The following TTI1 variants were observed in gnomAD, a reference collection of about 807,000 sequenced individuals.
TTI1 encodes TELO2-interacting protein 1 homolog.
A neutral mutation model predicts 85.4 loss-of-function variants in TTI1; 52 were observed. The ratio of observed to expected loss-of-function variants is 0.61; its 90% CI spans 0.49 to 0.77. The LOEUF (loss-of-function observed/expected upper bound fraction) is 0.77. Ranked by LOEUF, TTI1 falls within the 30% of genes least tolerant of loss-of-function variation. The pLI is 0.00. For missense variants in TTI1, 1,173 were observed against 1,296.0 expected (o/e 0.91, Z 1.46); for synonymous variants, 512 against 503.9 (o/e 1.02, Z -0.22).
At chr20:37,996,512 G>A (rs776830355) in intron 6 of TTI1, 50 bp from the exon 7 acceptor site, 2 of 1,594,692 alleles carry the variant, frequency 1.3e-6, no homozygotes, top group Admixed American at 3.3e-5. Flanking sequence ...CTTCATTTGG[G>A]ACAAGCAGTG....
chr20:38,017,411 T>TGTGTGTGC (rs1156916150), intron 1 of TTI1, among the ~76,000 whole-genome samples: 2 of 150,266 alleles, frequency 1.3e-5, no homozygotes, highest in Non-Finnish European at 3.0e-5. Flanking sequence ...AGCTTGTGTG[T>TGTGTGTGC]GTGTGTGTGT....
rs1478224681 is a variant in TTI1, at chr20:37,996,931, T to C, written c.2816A>G (p.Lys939Arg). The C allele has an allele frequency of 2.5e-6, 4 of 1,613,806 alleles. No individual in the cohort carries two copies. In the East Asian group the frequency reaches 8.9e-5, roughly 36 times the overall value. The change falls in exon 6 of 8, where the codon AAG becomes AGG. Residue 939 changes from lysine (K) to arginine (R), a missense_variant. By Grantham distance (26) the Lys-to-Arg change is conservative. Coordinates refer to ENST00000373447, the MANE Select transcript of TTI1 (RefSeq NM_001303457.2). ...AFKVLRTLGSKCGDFLRSRFC... is the reference protein window; with the variant it reads ...AFKVLRTLGSRCGDFLRSRFC... ...CCGGCTGCGAAGAAAGTCACCACAC[T>C]TGCTTCCCAGGGTACGTAAAACCTG...
In TTI1 at chr20:37,996,335, G is replaced by T. The variant is rs1239587804; in HGVS notation, c.3086+40C>A. 4 of 1,606,204 alleles carry T rather than the reference G, an allele frequency of 2.5e-6. No homozygotes were observed. In the African/African-American group the frequency reaches 4.0e-5, roughly 16 times the overall value. On this transcript the variant is annotated intron_variant, in intron 7 of 7. Coordinates refer to ENST00000373447, the MANE Select transcript of TTI1 (RefSeq NM_001303457.2). Reference sequence around the variant, plus strand: ...CCATTAGCAAATCATCTGTAATTTAGAACAAACGTAAAGGGATGCGGGTGA... The same window carrying T: ...CCATTAGCAAATCATCTGTAATTTATAACAAACGTAAAGGGATGCGGGTGA...
At chr20:38,014,000 C>T in intron 1 of TTI1, 143 bp from the exon 2 acceptor site, 1 of 759,744 alleles carries the variant, frequency 1.3e-6, no homozygotes, top group Non-Finnish European at 2.1e-6. Context: ...TGAAACTGAG[C>T]CCCCTGTCTA....
At position 37,996,754 on chromosome 20, in the gene TTI1, T is replaced by G; in HGVS notation, c.2993A>C (p.Asp998Ala). ...QGLGPLCERLDLGEGDLNKVA... is the reference protein window; with the variant it reads ...QGLGPLCERLALGEGDLNKVA... The stretch of plus-strand genomic sequence containing the variant: ...TGGAACTGCCTGGTACCCACCTAGG[T>G]CCAGTCTCTCACAGAGGGGGCCCAG... Residue 998 changes from aspartate to alanine, a missense_variant, in exon 6 of 8, where the codon GAC becomes GCC. Transcript: ENST00000373447. The G allele has an allele frequency of 6.2e-7, 1 of 1,608,400 alleles. No homozygotes were observed. The highest frequency in any genetic ancestry group is 1.1e-5 in the South Asian group (1 of 90,628).
In TTI1 at chr20:37,999,346, T is replaced by A. The variant is rs1211394090; in HGVS notation, c.2653-18A>T. 2.9e-6 allele frequency: 4 copies of A among 1,385,104 alleles called. No homozygotes were observed. In the Admixed American group the frequency reaches 1.2e-4, roughly 40 times the overall value. The allele number at this position is 1,385,104 out of a possible 1,614,324, so 85.8% of individuals were successfully genotyped here. A position where few individuals can be genotyped will look rare whatever the true frequency, so the allele number is the denominator to read the frequency against. ...TCCAAGACCTGAAAGAGACACGATTTCAGCAGATGGTATAGGCTTGAAAAC... is the reference window on the plus strand; with the variant it reads ...TCCAAGACCTGAAAGAGACACGATTACAGCAGATGGTATAGGCTTGAAAAC... On this transcript the variant is annotated intron_variant, in intron 4 of 7. Transcript: ENST00000373447.
intron 3 of TTI1, among the ~76,000 whole-genome samples, chr20:38,004,953 A>G (rs777019293): frequency 6.6e-5 from 10 of 152,244 alleles, no homozygotes; most frequent in Non-Finnish European, 1.3e-4. Flanking sequence ...AAAGCCTGAT[A>G]GATTTCTGAT....
At chr20:38,001,468 ATATACAGCAG>A in intron 4 of TTI1, among the ~76,000 whole-genome samples, 1 of 152,372 alleles carries the variant, frequency 6.6e-6, no homozygotes, top group Middle Eastern at 3.4e-3. Flanking sequence ...GTCTTGAAGG[ATATACAGCAG>A]TATGTTGAAT....
intron 1 of TTI1, among the ~76,000 whole-genome samples, chr20:38,030,562 C>CACACACACACACACA (rs11474348): frequency 2.7e-5 from 4 of 150,864 alleles, no homozygotes; most frequent in African/African-American, 7.3e-5. Flanking sequence ...CACACACACA[C>CACACACACACACACA]CATGATAAAG....
At chr20:38,024,023 T>G (rs753042801) in intron 1 of TTI1, among the ~76,000 whole-genome samples, 46 of 152,216 alleles carry the variant, frequency 3.0e-4, no homozygotes, top group Admixed American at 1.4e-3. Flanking sequence ...AGAAAATATG[T>G]GAAGCTGTGG....
chr20:38,017,492 C>T (rs755989796), intron 1 of TTI1, among the ~76,000 whole-genome samples: 1 of 151,188 alleles, frequency 6.6e-6, no homozygotes, highest in African/African-American at 2.4e-5. Flanking sequence ...TGATCCTGGA[C>T]GTGGGCTTGG....
intron 4 of TTI1, 21 bp from the exon 5 acceptor site, chr20:37,999,349 G>A: frequency 7.2e-7 from 1 of 1,382,876 alleles, no homozygotes; most frequent in Non-Finnish European, 9.5e-7. Flanking sequence ...CACGATTTCA[G>A]CAGATGGTAT....
At chr20:38,022,086 C>A (rs1215690002) in intron 1 of TTI1, among the ~76,000 whole-genome samples, 1 of 152,154 alleles carries the variant, frequency 6.6e-6, no homozygotes, top group Non-Finnish European at 1.5e-5. Context: ...CAAGCAAAGG[C>A]CAGAAGGGAG....
chr20:38,016,946 A>G (rs945066958), intron 1 of TTI1, among the ~76,000 whole-genome samples: 2 of 152,198 alleles, frequency 1.3e-5, no homozygotes, highest in African/African-American at 4.8e-5. Context: ...TGTCTTGCCA[A>G]CCTCATTTTT....
rs115952514 is a variant in TTI1 at position 38,007,711 on chromosome 20, C to A, written c.2303-1314G>T. On this transcript the variant is annotated intron_variant, in intron 2 of 7. Coordinates refer to ENST00000373447, the MANE Select transcript of TTI1 (RefSeq NM_001303457.2). Reference sequence around the variant, plus strand: ...CTTTAGCACCTGCTAATCTCCTTTTCATCAAAGAGCATCTGCACAGAGCAA... The same window carrying A: ...CTTTAGCACCTGCTAATCTCCTTTTAATCAAAGAGCATCTGCACAGAGCAA... Among the ~76,000 whole-genome samples the A allele has an allele frequency of 4.9e-3, 746 of 152,334 alleles. 1 individual carries two copies. Among genetic ancestry groups the A allele is most frequent in the African/African-American group, 0.017 (716 of 41,566 alleles).
Position 37,983,429 on chromosome 20 carries a change from G to T in TTI1, c.*27C>A. 1 of 1,602,540 alleles carries T rather than the reference G, an allele frequency of 6.2e-7. No individual in the cohort carries two copies. ...TCTGGCTGGCAGTAGGGGAGGGATC[G>T]GTGGCCTCTGTGGTGGGGGAGCAGG... On this transcript the variant is annotated 3_prime_UTR_variant, in exon 8 of 8. Coordinates refer to ENST00000373447, the MANE Select transcript of TTI1 (RefSeq NM_001303457.2).
intron 7 of TTI1, among the ~76,000 whole-genome samples, chr20:37,989,583 C>T (rs906653355): frequency 4.6e-5 from 7 of 152,224 alleles, no homozygotes. Flanking sequence ...AGGAACCCTG[C>T]AAGCCTAGAT....
At chr20:38,007,859 C>T (rs1568619186) in intron 2 of TTI1, among the ~76,000 whole-genome samples, 1 of 152,314 alleles carries the variant, frequency 6.6e-6, no homozygotes, top group East Asian at 1.9e-4. Flanking sequence ...CAAACTGCAT[C>T]CCCAGTTGTC....
At chr20:38,027,346 T>C (rs982017375) in intron 1 of TTI1, among the ~76,000 whole-genome samples, 2 of 152,232 alleles carry the variant, frequency 1.3e-5, no homozygotes, top group Admixed American at 6.5e-5. Flanking sequence ...TATATTGTTT[T>C]AAAATCTGTA....
Sources: gnomAD v4.1 joint callset for allele counts (sites outside exome capture counted in the v4.1 genomes callset) on GRCh38, gnomAD v4.1.1 for gene constraint, MANE v1.5 for transcripts, NCBI Gene and HGNC (gene_info 2026-07-23, HGNC 2026-07-21) for gene names.